The following ZRANB3 variants were observed in gnomAD, a reference collection of about 807,000 sequenced individuals.
The protein encoded by ZRANB3 is zinc finger RANBP2-type containing 3, also known as DNA annealing helicase and endonuclease ZRANB3.
Under a neutral mutation model 133.8 loss-of-function variants are expected in ZRANB3, and 125 were observed. That is an observed-to-expected ratio of 0.93 (90% CI 0.81 to 1.08). ZRANB3 has a LOEUF of 1.08. Ranked by LOEUF, ZRANB3 falls within the 50% of genes least tolerant of loss-of-function variation. ZRANB3 has a pLI of 0.00. For missense variants in ZRANB3, 1,229 were observed against 1,275.5 expected, an observed-to-expected ratio of 0.96 and a Z score of 0.56; for synonymous variants, 387 against 432.7, an observed-to-expected ratio of 0.89 and a Z score of 1.31.
At chr2:135,369,695 C>T (rs763658819) in intron 3 of ZRANB3, among the ~76,000 whole-genome samples, 1 of 152,076 alleles carries the variant, frequency 6.6e-6, no homozygotes, top group African/African-American at 2.4e-5. Flanking sequence ...CCTCATAGTC[C>T]CATACCCTCA....
intron 2 of ZRANB3, among the ~76,000 whole-genome samples, chr2:135,440,613 C>T (rs143172559): frequency 2.6e-5 from 4 of 152,250 alleles, no homozygotes; most frequent in Admixed American, 6.5e-5. Context: ...CACCTCACTC[C>T]TACAACTGCA....
chr2:135,492,421 A>G (rs1184367681), intron 2 of ZRANB3, among the ~76,000 whole-genome samples: 1 of 152,206 alleles, frequency 6.6e-6, no homozygotes, highest in Non-Finnish European at 1.5e-5. Context: ...TCAGAGGACG[A>G]AAGGAAAGAA....
intron 3 of ZRANB3, among the ~76,000 whole-genome samples, chr2:135,358,813 C>T (rs1353734819): frequency 1.3e-5 from 2 of 151,930 alleles, no homozygotes; most frequent in East Asian, 1.9e-4. Flanking sequence ...GCCCTCTTAC[C>T]CTTCTGCCCC....
chr2:135,209,875 T>C (rs1364934151), intron 17 of ZRANB3, among the ~76,000 whole-genome samples: 2 of 152,154 alleles, frequency 1.3e-5, no homozygotes, highest in African/African-American at 2.4e-5. Flanking sequence ...TTTTAGAAAT[T>C]TGCTTTATGT....
chr2:135,377,107 C>A (rs1686462213), intron 3 of ZRANB3, among the ~76,000 whole-genome samples: 1 of 152,140 alleles, frequency 6.6e-6, no homozygotes, highest in African/African-American at 2.4e-5. Flanking sequence ...TACTGGAAAT[C>A]AGCAATTAAG....
At chr2:135,406,840 C>T (rs1448391056) in intron 2 of ZRANB3, among the ~76,000 whole-genome samples, 1 of 152,218 alleles carries the variant, frequency 6.6e-6, no homozygotes, top group Non-Finnish European at 1.5e-5. Context: ...TAAGAGCTAT[C>T]TATGACAAAC....
chr2:135,319,746 A>C (rs978005974), intron 6 of ZRANB3, among the ~76,000 whole-genome samples: 2 of 152,172 alleles, frequency 1.3e-5, no homozygotes, highest in Non-Finnish European at 2.9e-5. Flanking sequence ...TTCCTATACT[A>C]GGTTGGCTAG....
chr2:135,439,350 AGAT>A (rs1689682368), intron 2 of ZRANB3, among the ~76,000 whole-genome samples: 1 of 152,240 alleles, frequency 6.6e-6, no homozygotes, highest in African/African-American at 2.4e-5. Flanking sequence ...ATATAAAAAA[AGAT>A]GATACAGATT....
intron 2 of ZRANB3, among the ~76,000 whole-genome samples, chr2:135,472,693 G>A (rs1461690021): frequency 6.6e-6 from 1 of 152,102 alleles, no homozygotes; most frequent in Non-Finnish European, 1.5e-5. Context: ...AGGCAGAGTG[G>A]TGGAACAGAA....
At chr2:135,497,801 C>T (rs2104814738) in intron 2 of ZRANB3, among the ~76,000 whole-genome samples, 1 of 152,048 alleles carries the variant, frequency 6.6e-6, no homozygotes, top group Middle Eastern at 3.4e-3. Flanking sequence ...ACTTATCATC[C>T]CAGTACTTTG....
rs557272416 is a variant in ZRANB3, at chr2:135,433,159, G to C, written c.162-42339C>G. 6.6e-5 allele frequency among the ~76,000 whole-genome samples: 10 copies of C among 152,186 alleles called. No homozygotes were observed. In the South Asian group the frequency reaches 1.7e-3, roughly 25 times the overall value. On this transcript the variant is annotated intron_variant, in intron 2 of 20. Transcript: ENST00000264159. ...GAAGAATGAACCCCCTAAGATAGAAGATCTTGACATAAAGAAGAAATCAGA... is the reference window on the plus strand; with the variant it reads ...GAAGAATGAACCCCCTAAGATAGAACATCTTGACATAAAGAAGAAATCAGA...
chr2:135,277,817 T>C (rs1573815449), intron 8 of ZRANB3, among the ~76,000 whole-genome samples: 1 of 150,038 alleles, frequency 6.7e-6, no homozygotes, highest in Admixed American at 6.7e-5. Context: ...CCCAGCTACT[T>C]GGGAGGCTGA....
chr2:135,393,671 T>C (rs1387292555), intron 2 of ZRANB3, among the ~76,000 whole-genome samples: 1 of 152,080 alleles, frequency 6.6e-6, no homozygotes, highest in Non-Finnish European at 1.5e-5. Flanking sequence ...AAAAGACAAA[T>C]ATCTATTATA....
chr2:135,333,609 A>G (rs538940719), intron 6 of ZRANB3, among the ~76,000 whole-genome samples: 2 of 152,310 alleles, frequency 1.3e-5, no homozygotes, highest in South Asian at 4.1e-4. Context: ...TTCATGCTCT[A>G]AGTTTTACAT....
intron 8 of ZRANB3, among the ~76,000 whole-genome samples, chr2:135,304,079 C>T (rs924583074): frequency 6.6e-6 from 1 of 152,084 alleles, no homozygotes; most frequent in African/African-American, 2.4e-5. Flanking sequence ...TTGATATGTA[C>T]ACCTTGTATT....
At chr2:135,388,221 A>AGC (rs1038663057) in intron 3 of ZRANB3, among the ~76,000 whole-genome samples, 145 of 152,332 alleles carry the variant, frequency 9.5e-4, no homozygotes, top group African/African-American at 3.3e-3. Context: ...TCATGAGAAC[A>AGC]GCATGGGAGA....
intron 20 of ZRANB3, chr2:135,202,628 T>G (rs575633700): frequency 8.1e-6 from 4 of 491,282 alleles, no homozygotes; most frequent in Non-Finnish European, 1.4e-5. Flanking sequence ...GGTCCTAGAA[T>G]GAATGAAAAG....
At chr2:135,288,210 A>G (rs1407815678) in intron 8 of ZRANB3, among the ~76,000 whole-genome samples, 1 of 152,028 alleles carries the variant, frequency 6.6e-6, no homozygotes, top group African/African-American at 2.4e-5. Context: ...TTTGTTTTTA[A>G]TTCTATTTAG....
At position 135,384,814 on chromosome 2, in the gene ZRANB3, C is replaced by A. The variant is rs569197352; in HGVS notation, c.180+5988G>T. ...AACAGCCCTTCATGCTAAAAACTCT[C>A]AATAAATTGGGTATTGATGGGATGT... On this transcript the variant is annotated intron_variant, in intron 3 of 20. Coordinates refer to ENST00000264159, the MANE Select transcript of ZRANB3 (RefSeq NM_032143.4). 7.9e-5 allele frequency among the ~76,000 whole-genome samples: 12 copies of A among 152,250 alleles called. No individual in the cohort carries two copies. The East Asian group carries it at 2.3e-3, about 29-fold the overall frequency.
Sources: gnomAD v4.1 joint callset for allele counts (sites outside exome capture counted in the v4.1 genomes callset) on GRCh38, gnomAD v4.1.1 for gene constraint, MANE v1.5 for transcripts, NCBI Gene and HGNC (gene_info 2026-07-23, HGNC 2026-07-21) for gene names.